ARHGAP11A: variants seen among roughly 807,000 people sequenced by gnomAD.
ARHGAP11A encodes the protein Rho GTPase activating protein 11A.
ARHGAP11A carries 36 observed loss-of-function variants against 60.5 expected under a neutral mutation model. That is an observed-to-expected ratio of 0.59 (90% CI 0.46 to 0.79). ARHGAP11A has a LOEUF of 0.79. Among genes scored for constraint, ARHGAP11A ranks in the 30% least tolerant of loss-of-function variants. ARHGAP11A has a pLI of 0.00. For synonymous variants in ARHGAP11A, 362 were observed against 415.5 expected, an observed-to-expected ratio of 0.87 and a Z score of 1.57; for missense variants, 1,071 against 1,199.2, an observed-to-expected ratio of 0.89 and a Z score of 1.58.
In ARHGAP11A at chr15:32,625,189, C is replaced by G. The variant is rs753221904; in HGVS notation, c.661C>G (p.Leu221Val). 9.3e-6 allele frequency: 15 copies of G among 1,613,730 alleles called. No homozygotes were observed. In the Admixed American group the frequency reaches 1.2e-4, roughly 13 times the overall value. Reference protein sequence around the residue: ...EKMSSNTEKKLRLQAAVVQTL... With the variant: ...EKMSSNTEKKVRLQAAVVQTL... Reference sequence around the variant, plus strand: ...GATGTCTTCTAACACAGAAAAGAAGCTACGATTACAGGCTGCAGTAGTACA... The same window carrying G: ...GATGTCTTCTAACACAGAAAAGAAGGTACGATTACAGGCTGCAGTAGTACA... The change falls in exon 5 of 12, where the codon CTA becomes GTA. Residue 221 changes from leucine to valine, a missense_variant. By Grantham distance (32) the Leu-to-Val change is conservative. This residue lies in a region of ARHGAP11A where 196 missense variants were observed against 272.1 expected (regional missense o/e 0.72). Coordinates refer to ENST00000361627, the MANE Select transcript of ARHGAP11A (RefSeq NM_014783.6).
Position 32,625,152 on chromosome 15 carries a change from A to G in ARHGAP11A, c.624A>G (p.Glu208=). The G allele has an allele frequency of 6.2e-7, 1 of 1,613,982 alleles. No individual in the cohort carries two copies. Among genetic ancestry groups the G allele is most frequent in the South Asian group, 1.1e-5 (1 of 91,072 alleles). ...IFAPNLLQTS[E]GHEKMSSNTE... Reference sequence around the variant, plus strand: ...CACCGAATCTTCTTCAGACAAGTGAAGGACATGAAAAGATGTCTTCTAACA... The same window carrying G: ...CACCGAATCTTCTTCAGACAAGTGAGGGACATGAAAAGATGTCTTCTAACA... Residue 208 remains glutamate, a synonymous_variant, in exon 5 of 12, where the codon GAA becomes GAG. Transcript: ENST00000361627.
At chr15:32,618,751 C>T (rs1174137833) in intron 1 of ARHGAP11A, among the ~76,000 whole-genome samples, 1 of 128,574 alleles carries the variant, frequency 7.8e-6, no homozygotes, top group African/African-American at 3.0e-5. Flanking sequence ...CTAGCTAACA[C>T]GGTGAAACCC....
At chr15:32,635,045 T>C (rs1302077055) in intron 10 of ARHGAP11A, among the ~76,000 whole-genome samples, 1 of 152,236 alleles carries the variant, frequency 6.6e-6, no homozygotes, top group Non-Finnish European at 1.5e-5. Context: ...CTCAGAACTC[T>C]CCAGTGACTC....
At position 32,637,842 on chromosome 15, in the gene ARHGAP11A, G is replaced by A. The variant is rs745933190; in HGVS notation, c.3069G>A (p.Leu1023=). The change falls in exon 12 of 12, where the codon TTG becomes TTA. Residue 1023 remains leucine, a synonymous_variant. Coordinates refer to ENST00000361627, the MANE Select transcript of ARHGAP11A (RefSeq NM_014783.6). ...QLLPTSKPVD[L] is the part of the protein sequence containing the mutation. The stretch of plus-strand genomic sequence containing the variant: ...TACCAACAAGTAAACCTGTAGATTT[G>A]TAATTGGTAAATGTTATACTTGTCA... 2 of 1,584,974 alleles carry A rather than the reference G, an allele frequency of 1.3e-6. No individual in the cohort carries two copies. Among genetic ancestry groups the A allele is most frequent in the South Asian group, 1.2e-5 (1 of 85,484 alleles).
intron 2 of ARHGAP11A, among the ~76,000 whole-genome samples, chr15:32,620,644 A>G (rs1237052186): frequency 6.6e-6 from 1 of 152,012 alleles, no homozygotes; most frequent in Non-Finnish European, 1.5e-5. Context: ...AGTAAATGTT[A>G]GAAATCACAA....
At chr15:32,619,103 A>AT (rs1356985471) in intron 1 of ARHGAP11A, among the ~76,000 whole-genome samples, 1 of 152,224 alleles carries the variant, frequency 6.6e-6, no homozygotes, top group Non-Finnish European at 1.5e-5. Flanking sequence ...GTGTTGCGTC[A>AT]TTGACAATGC....
In ARHGAP11A at chr15:32,620,938, G is replaced by A. The variant is rs535395946; in HGVS notation, c.200+760G>A. Among the ~76,000 whole-genome samples the A allele has an allele frequency of 8.5e-5, 13 of 152,222 alleles. No homozygotes were observed. The South Asian group carries it at 2.5e-3, about 29-fold the overall frequency. On this transcript the variant is annotated intron_variant, in intron 2 of 11. Coordinates refer to ENST00000361627, the MANE Select transcript of ARHGAP11A (RefSeq NM_014783.6). The stretch of plus-strand genomic sequence containing the variant: ...AAAGAAAAATCAGCTGGGCAAGGTG[G>A]TGTGCACCTGTAGTCCCAGCTACCT...
upstream of ARHGAP11A, chr15:32,615,418 C>G (rs934064989): frequency 7.9e-5 from 12 of 151,886 alleles, no homozygotes; most frequent in African/African-American, 2.2e-4. Context: ...CCTCCGGGGT[C>G]CTGATTTTGA....
At chr15:32,630,095 G>C (rs1219737128) in intron 8 of ARHGAP11A, among the ~76,000 whole-genome samples, 1 of 107,216 alleles carries the variant, frequency 9.3e-6, no homozygotes, top group Non-Finnish European at 1.8e-5. Flanking sequence ...AGTTACATCT[G>C]GGTCTATAGC....
At chr15:32,631,447 C>T (rs1473455424) in intron 8 of ARHGAP11A, among the ~76,000 whole-genome samples, 1 of 151,980 alleles carries the variant, frequency 6.6e-6, no homozygotes, top group Non-Finnish European at 1.5e-5. Flanking sequence ...AGGTGGCCAC[C>T]ACCACACCTG....
At chr15:32,634,985 C>G (rs1174373931) in intron 10 of ARHGAP11A, among the ~76,000 whole-genome samples, 1 of 152,212 alleles carries the variant, frequency 6.6e-6, no homozygotes, top group Admixed American at 6.5e-5. Flanking sequence ...TGCTGCAGTT[C>G]TGTAGTTGAA....
rs1229898211 is a variant in ARHGAP11A at position 32,615,672 on chromosome 15, C to G, written c.-540C>G. The G allele has an allele frequency of 1.3e-5, 2 of 152,428 alleles. No individual in the cohort carries two copies. Among genetic ancestry groups the G allele is most frequent in the Admixed American group, 1.3e-4 (2 of 15,324 alleles). The allele number at this position is 152,428 out of a possible 1,614,324, so 9.4% of individuals were successfully genotyped here. ...GAGACGGGGTGACGGCGGCTACCAG[C>G]CCGGGCGGGCACCGGGACTGGAAGA... is the stretch of plus-strand genomic sequence containing the variant. On this transcript the variant is annotated 5_prime_UTR_variant, in exon 1 of 12. Transcript: ENST00000361627.
Position 32,634,040 on chromosome 15 carries a change from T to G in ARHGAP11A, c.1343T>G (p.Val448Gly). 1 of 1,591,182 alleles carries G rather than the reference T, an allele frequency of 6.3e-7. No homozygotes were observed. The highest frequency in any genetic ancestry group is 8.6e-7 in the Non-Finnish European group (1 of 1,168,552). The change falls in exon 10 of 12, where the codon GTA becomes GGA. Residue 448 changes from valine to glycine, a missense_variant and splice_region_variant. Around this residue, in one of 4 missense-constraint regions of ARHGAP11A, gnomAD observed 776 missense variants for 760.2 expected, o/e 1.02. Transcript: ENST00000361627. Reference sequence around the variant, plus strand: ...AATCTAGGGAAAAATGGCAGAGAAGTAGTAAGTTTCTTACCATTTTATTGA... The same window carrying G: ...AATCTAGGGAAAAATGGCAGAGAAGGAGTAAGTTTCTTACCATTTTATTGA... Reference protein sequence around the residue: ...KFNLGKNGREVNGCSGVNRYE... With the variant: ...KFNLGKNGREGNGCSGVNRYE...
chr15:32,624,122 C>T lies in ARHGAP11A; in HGVS notation c.298-51C>T, dbSNP rs2053400685. 6 of 1,607,368 alleles carry T rather than the reference C, an allele frequency of 3.7e-6. No homozygotes were observed. In the Admixed American group the frequency reaches 8.4e-5, roughly 23 times the overall value. The stretch of plus-strand genomic sequence containing the variant: ...AGTATAACAAAAGATACTTTATTTG[C>T]AATAAACTCTTAAGTTGCCAAAATA... On this transcript the variant is annotated intron_variant, in intron 3 of 11. Transcript: ENST00000361627.
At chr15:32,617,465 CTTTT>C (rs1327631956) in intron 1 of ARHGAP11A, among the ~76,000 whole-genome samples, 1 of 123,084 alleles carries the variant, frequency 8.1e-6, no homozygotes, top group African/African-American at 3.0e-5. Flanking sequence ...CTTTTCTTTT[CTTTT>C]CCTTTTTTTT....
At chr15:32,627,727 T>C (rs2053498821) in intron 6 of ARHGAP11A, among the ~76,000 whole-genome samples, 1 of 151,688 alleles carries the variant, frequency 6.6e-6, no homozygotes, top group Non-Finnish European at 1.5e-5. Context: ...AGACTCCGTC[T>C]CAAAAATAAA....
At position 32,632,965 on chromosome 15, in the gene ARHGAP11A, G is replaced by C; in HGVS notation, c.1106-14G>C. 1 of 1,607,050 alleles carries C rather than the reference G, an allele frequency of 6.2e-7. No homozygotes were observed. Among genetic ancestry groups the C allele is most frequent in the Non-Finnish European group, 8.5e-7 (1 of 1,176,468 alleles). Reference sequence around the variant, plus strand: ...TAGATATGTGTGGTATATTACATGTGGTTATTTTTGTAGTTCACATCGATA... The same window carrying C: ...TAGATATGTGTGGTATATTACATGTCGTTATTTTTGTAGTTCACATCGATA... On this transcript the variant is annotated splice_polypyrimidine_tract_variant and intron_variant, in intron 8 of 11. Transcript: ENST00000361627.
At position 32,618,825 on chromosome 15, in the gene ARHGAP11A, G is replaced by A. The variant is rs527513953; in HGVS notation, c.130-1283G>A. 1.1e-3 allele frequency among the ~76,000 whole-genome samples: 160 copies of A among 142,734 alleles called. 1 individual carries two copies. Among genetic ancestry groups the A allele is most frequent in the African/African-American group, 4.1e-3 (155 of 38,172 alleles). 93.6% of individuals were successfully genotyped at this position (142,734 alleles called of 152,430 possible). A position where few individuals can be genotyped will look rare whatever the true frequency, so the allele number is the denominator to read the frequency against. ...AAATTAGCCAGGTGTGGTGGCGGGCGCCTGTAGTCCCAGCTACTCGGGAAG... is the reference window on the plus strand; with the variant it reads ...AAATTAGCCAGGTGTGGTGGCGGGCACCTGTAGTCCCAGCTACTCGGGAAG... On this transcript the variant is annotated intron_variant, in intron 1 of 11. Coordinates refer to ENST00000361627, the MANE Select transcript of ARHGAP11A (RefSeq NM_014783.6).
chr15:32,627,405 A>G (rs759696997), intron 6 of ARHGAP11A, among the ~76,000 whole-genome samples: 3 of 151,870 alleles, frequency 2.0e-5, no homozygotes, highest in Non-Finnish European at 2.9e-5. Context: ...ATAAGATTCT[A>G]TCTCCGTAGT....
Sources: allele counts gnomAD v4.1 joint callset (sites outside exome capture counted in the v4.1 genomes callset), GRCh38; gene constraint gnomAD v4.1.1; regional missense constraint gnomAD v4.1.1; transcripts MANE v1.5; gene names NCBI Gene and HGNC (gene_info 2026-07-23, HGNC 2026-07-21).